STON2: variants seen among roughly 807,000 people sequenced by gnomAD.
The protein encoded by STON2 is stonin-2.
Under a neutral mutation model 65.7 loss-of-function variants are expected in STON2, and 29 were observed. That is an observed-to-expected ratio of 0.44 (90% CI 0.33 to 0.60). STON2 has a LOEUF of 0.60. Ranked by LOEUF, STON2 falls within the 20% of genes least tolerant of loss-of-function variation. The probability of loss-of-function intolerance (pLI) is 0.03; values close to 1 mark genes in which losing one functional copy is unlikely to be tolerated. For missense variants in STON2, 1,054 were observed against 1,118.1 expected (o/e 0.94, Z 0.82); for synonymous variants, 404 against 414.2 (o/e 0.98, Z 0.30).
At chr14:81,435,005 A>G (rs1902361120) in intron 1 of STON2, among the ~76,000 whole-genome samples, 1 of 152,060 alleles carries the variant, frequency 6.6e-6, no homozygotes, top group African/African-American at 2.4e-5. Context: ...CTTTTCGTTT[A>G]AGGGAGGAGT....
chr14:81,386,543 C>T (rs553951527), intron 3 of STON2, among the ~76,000 whole-genome samples: 16 of 152,304 alleles, frequency 1.1e-4, no homozygotes, highest in African/African-American at 3.8e-4. Context: ...AAGGCCTTAG[C>T]CCAAGCTTTT....
intron 4 of STON2, among the ~76,000 whole-genome samples, chr14:81,325,327 AT>A (rs1178465242): frequency 6.6e-6 from 1 of 152,196 alleles, no homozygotes; most frequent in Non-Finnish European, 1.5e-5. Context: ...GCTAATATAC[AT>A]TGTGACTCTC....
rs1555393080 is a variant in STON2, at chr14:81,263,551, A to AAC, written c.*4862_*4863insGT. The AAC allele has an allele frequency of 1.0e-5, 2 of 190,918 alleles. No homozygotes were observed. Among genetic ancestry groups the AAC allele is most frequent in the African/African-American group, 4.8e-5 (2 of 41,774 alleles). The allele number at this position is 190,918 out of a possible 1,614,324, so 11.8% of individuals were successfully genotyped here. ...AGACTCCGTCTCAAAAAAAAAAAAA[A>AAC]AAAAAAAAACAAAAAAGAAAATGCT... On this transcript the variant is annotated 3_prime_UTR_variant, in exon 8 of 8. Coordinates refer to ENST00000614646, the MANE Select transcript of STON2 (RefSeq NM_001394390.1).
chr14:81,324,800 C>T (rs1454438277), intron 4 of STON2, among the ~76,000 whole-genome samples: 1 of 152,174 alleles, frequency 6.6e-6, no homozygotes, highest in African/African-American at 2.4e-5. Flanking sequence ...CTGATTAATC[C>T]TGAAATGAAG....
chr14:81,404,052 CTGAA>C (rs757904296), upstream of STON2, among the ~76,000 whole-genome samples: 28 of 152,286 alleles, frequency 1.8e-4, no homozygotes, highest in Non-Finnish European at 3.4e-4. Context: ...GGGTAACCAG[CTGAA>C]TGAATGAATT....
intron 5 of STON2, among the ~76,000 whole-genome samples, chr14:81,283,817 C>G (rs1327007707): frequency 6.6e-6 from 1 of 152,230 alleles, no homozygotes; most frequent in Non-Finnish European, 1.5e-5. Context: ...GCGTGAGCCA[C>G]TGTACCCAGC....
chr14:81,298,390 C>T (rs879814057), intron 5 of STON2, among the ~76,000 whole-genome samples: 4 of 145,006 alleles, frequency 2.8e-5, no homozygotes, highest in Non-Finnish European at 6.0e-5. Context: ...AGCTCCAGGC[C>T]TCTAAAGCCT....
rs1894432182 is a variant in STON2 at position 81,268,215 on chromosome 14, C to T, written c.*199G>A. 1.7e-6 allele frequency: 2 copies of T among 1,152,980 alleles called. No homozygotes were observed. Among genetic ancestry groups the T allele is most frequent in the Non-Finnish European group, 2.2e-6 (2 of 925,016 alleles). The allele number at this position is 1,152,980 out of a possible 1,614,324, so 71.4% of individuals were successfully genotyped here. A position where few individuals can be genotyped will look rare whatever the true frequency, so the allele number is the denominator to read the frequency against. ...GCATGACCAGAATCAAAGAGCCTCTCCAAAAGCCACCATTCTCAGGGTTTC... is the reference window on the plus strand; with the variant it reads ...GCATGACCAGAATCAAAGAGCCTCTTCAAAAGCCACCATTCTCAGGGTTTC... On this transcript the variant is annotated 3_prime_UTR_variant, in exon 8 of 8. Coordinates refer to ENST00000614646, the MANE Select transcript of STON2 (RefSeq NM_001394390.1).
chr14:81,281,154 T>C (rs1037712080), intron 5 of STON2, among the ~76,000 whole-genome samples: 3 of 152,038 alleles, frequency 2.0e-5, no homozygotes, highest in Admixed American at 1.3e-4. Flanking sequence ...CTAAAAAGGA[T>C]TCTAAAGCAT....
At chr14:81,381,305 CAGAA>C (rs1250149806) in intron 3 of STON2, among the ~76,000 whole-genome samples, 2 of 151,912 alleles carry the variant, frequency 1.3e-5, no homozygotes, top group Non-Finnish European at 2.9e-5. Context: ...TACCAAGACA[CAGAA>C]AGCACTAATA....
At chr14:81,420,460 A>G (rs757519147) in intron 2 of STON2, among the ~76,000 whole-genome samples, 10 of 152,172 alleles carry the variant, frequency 6.6e-5, no homozygotes, top group Non-Finnish European at 8.8e-5. Context: ...AGCATCTCCT[A>G]TTGCTAGGGA....
chr14:81,410,343 T>C (rs1196824310), intron 2 of STON2, among the ~76,000 whole-genome samples: 2 of 123,440 alleles, frequency 1.6e-5, no homozygotes, highest in Admixed American at 9.0e-5. Context: ...AATCCTAAAA[T>C]GACCCCATTA....
chr14:81,262,366 A>C lies in STON2; in HGVS notation c.*6048T>G, dbSNP rs371678374. On this transcript the variant is annotated 3_prime_UTR_variant, in exon 8 of 8. Coordinates refer to ENST00000614646, the MANE Select transcript of STON2 (RefSeq NM_001394390.1). Reference sequence around the variant, plus strand: ...TAGGGAAGCTGGCTGCTAACACAGCACCTGACCAGAGTAGACATTTGATAA... The same window carrying C: ...TAGGGAAGCTGGCTGCTAACACAGCCCCTGACCAGAGTAGACATTTGATAA... The C allele has an allele frequency of 1.0e-6, 1 of 985,348 alleles. No individual in the cohort carries two copies. Among genetic ancestry groups the C allele is most frequent in the Non-Finnish European group, 1.2e-6 (1 of 829,932 alleles). The allele number at this position is 985,348 out of a possible 1,614,324, so 61.0% of individuals were successfully genotyped here.
chr14:81,271,949 T>C (rs1439933971), intron 6 of STON2, among the ~76,000 whole-genome samples: 2 of 152,138 alleles, frequency 1.3e-5, no homozygotes, highest in Admixed American at 6.5e-5. Flanking sequence ...CAGTCACAGC[T>C]AGAAAGTGGC....
chr14:81,374,207 G>A (rs953926721), intron 3 of STON2, among the ~76,000 whole-genome samples: 2 of 150,166 alleles, frequency 1.3e-5, no homozygotes, highest in African/African-American at 4.9e-5. Context: ...GTAGAGATGG[G>A]TTTCACCATG....
chr14:81,276,836 G>A (rs1894840171), intron 6 of STON2, 65 bp downstream of exon 6: 1 of 1,539,502 alleles, frequency 6.5e-7, no homozygotes, highest in South Asian at 1.3e-5. Flanking sequence ...ACAGGATGTG[G>A]AACTTTGATC....
chr14:81,331,479 G>A (rs749460874), intron 4 of STON2, among the ~76,000 whole-genome samples: 8 of 152,142 alleles, frequency 5.3e-5, no homozygotes, highest in Non-Finnish European at 8.8e-5. Flanking sequence ...ACTTCTGCAG[G>A]ACCACAGTTC....
chr14:81,404,944 G>T (rs1250638728), upstream of STON2, among the ~76,000 whole-genome samples: 3 of 152,174 alleles, frequency 2.0e-5, no homozygotes, highest in Non-Finnish European at 4.4e-5. Context: ...TGTTTCTAAT[G>T]AGCAGTTGAT....
intron 3 of STON2, among the ~76,000 whole-genome samples, chr14:81,393,235 T>C (rs1900160822): frequency 6.6e-6 from 1 of 152,208 alleles, no homozygotes; most frequent in Admixed American, 6.5e-5. Context: ...AGGAAATCTT[T>C]GAGGCTAAAG....
Sources: allele counts gnomAD v4.1 joint callset (sites outside exome capture counted in the v4.1 genomes callset), GRCh38; gene constraint gnomAD v4.1.1; transcripts MANE v1.5; gene names NCBI Gene and HGNC (gene_info 2026-07-23, HGNC 2026-07-21).